Variants in SMARCA2 observed in about 807,000 individuals in gnomAD.
SMARCA2 encodes the protein SWI/SNF-related matrix-associated actin-dependent regulator of chromatin subfamily A member 2.
SMARCA2 carries 61 observed loss-of-function variants against 199.8 expected under a neutral mutation model. That is an observed-to-expected ratio of 0.31 (90% confidence interval 0.25 to 0.38). The LOEUF (loss-of-function observed/expected upper bound fraction) is 0.38. SMARCA2 is among the 10% of genes least tolerant of loss of function. The pLI is 1.00. For missense variants in SMARCA2, 1,344 were observed against 2,012.2 expected, an observed-to-expected ratio of 0.67 and a Z score of 6.35; for synonymous variants, 935 against 732.0, an observed-to-expected ratio of 1.28 and a Z score of -4.48.
intron 29 of SMARCA2, among the ~76,000 whole-genome samples, chr9:2,171,061 C>CA (rs2129734080): frequency 6.6e-6 from 1 of 152,318 alleles, no homozygotes; most frequent in East Asian, 1.9e-4. Context: ...CAGTCTCTTT[C>CA]AACCTCTGTG....
At chr9:2,038,294 A>T (rs1327314111) in intron 3 of SMARCA2, among the ~76,000 whole-genome samples, 1 of 152,156 alleles carries the variant, frequency 6.6e-6, no homozygotes, top group Non-Finnish European at 1.5e-5. Flanking sequence ...GTAACAGTAT[A>T]TATCTTTTAG....
chr9:2,038,165 A>G (rs1248248896), intron 3 of SMARCA2, among the ~76,000 whole-genome samples: 1 of 152,232 alleles, frequency 6.6e-6, no homozygotes, highest in African/African-American at 2.4e-5. Context: ...TGGAAAGGGC[A>G]TATGCATTAG....
At position 2,123,631 on chromosome 9, in the gene SMARCA2, A is replaced by C; in HGVS notation, c.3763-88A>C. 8.8e-7 allele frequency: 1 copy of C among 1,133,038 alleles called. No homozygotes were observed. The highest frequency in any genetic ancestry group is 1.3e-5 in the South Asian group (1 of 76,860). The allele number at this position is 1,133,038 out of a possible 1,614,324, so 70.2% of individuals were successfully genotyped here. On this transcript the variant is annotated intron_variant, in intron 26 of 33. Transcript: ENST00000349721. The surrounding 1 kb of genome is among the most constrained non-coding windows in gnomAD (Gnocchi z 4.1). ...TTGAAAGGGACCCTGCAGCCATAGG[A>C]AGTGACTTGGGGAAGTTGTGTAGTG...
Position 2,054,616 on chromosome 9 carries a change from C to T in SMARCA2, c.1066C>T (p.His356Tyr). 2.5e-6 allele frequency: 4 copies of T among 1,614,076 alleles called. No homozygotes were observed. The highest frequency in any genetic ancestry group is 1.7e-5 in the Admixed American group (1 of 60,026). ...REYRLQARIA[H>Y]RIQELENLPG... ...CTTTAGACTTCAGGCCCGCATAGCTCATAGGATACAAGAACTGGAAAATCT... is the reference window on the plus strand; with the variant it reads ...CTTTAGACTTCAGGCCCGCATAGCTTATAGGATACAAGAACTGGAAAATCT... The change falls in exon 6 of 34, where the codon CAT becomes TAT. Residue 356 changes from histidine (H) to tyrosine (Y), a missense_variant. Physicochemically the swap from His to Tyr is moderately conservative, Grantham distance 83. Transcript: ENST00000349721.
rs557627709 is a variant in SMARCA2, at chr9:2,085,073, C to T, written c.2526+877C>T. Among the ~76,000 whole-genome samples the T allele has an allele frequency of 1.2e-4, 19 of 152,234 alleles. No homozygotes were observed. The South Asian group carries it at 3.7e-3, about 30-fold the overall frequency. On this transcript the variant is annotated intron_variant, in intron 17 of 33. Coordinates refer to ENST00000349721, the MANE Select transcript of SMARCA2 (RefSeq NM_003070.5). ...GGGTCTATTCTACCTCTGCATTAAA[C>T]TCTTGCTCTGGGAACTGAGAGTTCC...
chr9:2,174,779 G>T (rs113124485), intron 29 of SMARCA2, among the ~76,000 whole-genome samples: 3,833 of 151,764 alleles, frequency 0.025, 175 homozygotes, highest in African/African-American at 0.088. Flanking sequence ...AATGAGGTGG[G>T]TGTGGTGGCA....
chr9:2,184,625 T>G (rs1278207624), intron 31 of SMARCA2, among the ~76,000 whole-genome samples: 2 of 152,120 alleles, frequency 1.3e-5, no homozygotes, highest in Non-Finnish European at 2.9e-5. Flanking sequence ...AGTGCTAGGA[T>G]TACAGGTGTG....
intron 8 of SMARCA2, 37 bp from the exon 9 acceptor site, chr9:2,060,779 A>G (rs1339718572): frequency 1.9e-6 from 3 of 1,602,468 alleles, no homozygotes; most frequent in Non-Finnish European, 2.6e-6. Context: ...CTGCACGCTT[A>G]TATTATGCTC....
intron 2 of SMARCA2, among the ~76,000 whole-genome samples, chr9:2,030,862 A>G (rs1462308427): frequency 1.3e-5 from 2 of 152,220 alleles, no homozygotes; most frequent in African/African-American, 4.8e-5. Flanking sequence ...AGGGTAGGGC[A>G]TCAGAGCCCA....
chr9:2,164,480 G>A (rs1394078516), intron 28 of SMARCA2, among the ~76,000 whole-genome samples: 6 of 152,092 alleles, frequency 3.9e-5, no homozygotes, highest in African/African-American at 1.2e-4. Flanking sequence ...TCATTACTGC[G>A]CCTGCCTCTA....
intron 27 of SMARCA2, chr9:2,160,902 A>C: frequency 2.9e-6 from 1 of 346,288 alleles, no homozygotes; most frequent in Non-Finnish European, 5.2e-6. Context: ...AAAAAGTTTA[A>C]ACTTCTGGGT....
chr9:2,076,153 T>A (rs934167898), intron 12 of SMARCA2, 76 bp from the exon 13 acceptor site: 11 of 832,946 alleles, frequency 1.3e-5, no homozygotes, highest in Non-Finnish European at 2.2e-5. Context: ...CTAGTTTATG[T>A]CTTTTCAGAA....
intron 1 of SMARCA2, among the ~76,000 whole-genome samples, chr9:2,024,110 G>C (rs907207200): frequency 1.3e-5 from 2 of 152,184 alleles, no homozygotes; most frequent in Non-Finnish European, 2.9e-5. Flanking sequence ...ATGAAGTTTG[G>C]TGAAGAGCAA....
intron 1 of SMARCA2, among the ~76,000 whole-genome samples, chr9:2,020,934 T>C (rs1240242851): frequency 2.6e-5 from 4 of 152,230 alleles, no homozygotes; most frequent in Non-Finnish European, 5.9e-5. Context: ...TCTGGACTTC[T>C]GGGTTTGTAA....
In SMARCA2 at chr9:2,155,290, A is replaced by AT. The variant is rs942828608; in HGVS notation, c.3982-6386dup. On this transcript the variant is annotated intron_variant, in intron 27 of 33. Coordinates refer to ENST00000349721, the MANE Select transcript of SMARCA2 (RefSeq NM_003070.5). ...AATTTTTAAACTCATTTTTCTTTTT[A>AT]TTTTTTTTTTGAGACTGAGTCTTGC... Among the ~76,000 whole-genome samples, 56 of 149,196 alleles carry AT rather than the reference A, an allele frequency of 3.8e-4. No individual in the cohort carries two copies. In the Middle Eastern group the frequency reaches 0.01, roughly 27 times the overall value.
At chr9:2,192,476 T>C (rs921742040) in intron 33 of SMARCA2, 2 of 552,726 alleles carry the variant, frequency 3.6e-6, no homozygotes, top group Admixed American at 3.4e-5. Flanking sequence ...GCACAAACAA[T>C]AGCTTAGAGG....
chr9:2,027,564 G>A (rs980809192), intron 1 of SMARCA2, among the ~76,000 whole-genome samples: 6 of 152,174 alleles, frequency 3.9e-5, no homozygotes, highest in Admixed American at 2.6e-4. Context: ...TATGCTGGTT[G>A]AGGTGCTGGG....
At chr9:2,048,955 A>T (rs1031438975) in intron 5 of SMARCA2, among the ~76,000 whole-genome samples, 3 of 152,254 alleles carry the variant, frequency 2.0e-5, no homozygotes, top group African/African-American at 4.8e-5. Context: ...GGAAAAAGTC[A>T]GTAATAGAAT....
In SMARCA2 at chr9:2,039,817, A is replaced by AGCC. The variant is rs587779749; in HGVS notation, c.707_708insGCC (p.Gln236_Gln237insPro). The AGCC allele has an allele frequency of 6.2e-7, 1 of 1,606,988 alleles. No homozygotes were observed. The highest frequency in any genetic ancestry group is 1.3e-5 in the African/African-American group (1 of 74,562). On this transcript the variant is annotated inframe_insertion, in exon 4 of 34. Transcript: ENST00000349721. The surrounding 1 kb of genome is among the most constrained non-coding windows in gnomAD (Gnocchi z 4.8). ...CAGCAGCAGCAGCAGCAGCAGCAGC[A>AGCC]ACAGCAGCCGCAGCAGCAGCCGCCG...
Sources: allele counts gnomAD v4.1 joint callset (sites outside exome capture counted in the v4.1 genomes callset), GRCh38; gene constraint gnomAD v4.1.1; non-coding constraint Gnocchi (gnomAD v3.1); transcripts MANE v1.5; gene names NCBI Gene and HGNC (gene_info 2026-07-23, HGNC 2026-07-21).